WDHD1: variants seen among roughly 807,000 people sequenced by gnomAD.
The protein encoded by WDHD1 is WD repeat and HMG-box DNA binding protein 1, also known as WD repeat and HMG-box DNA-binding protein 1.
WDHD1 carries 111 observed loss-of-function variants against 135.4 expected under a neutral mutation model. The observed-to-expected ratio is 0.82, with a 90% confidence interval of 0.70 to 0.96. The LOEUF (loss-of-function observed/expected upper bound fraction) is 0.96, where lower values mean the gene tolerates loss of function less well. Ranked by LOEUF, WDHD1 falls within the 40% of genes least tolerant of loss-of-function variation. WDHD1 has a pLI of 0.00. For synonymous variants in WDHD1, 434 were observed against 439.0 expected, an observed-to-expected ratio of 0.99 and a Z score of 0.14; for missense variants, 1,351 against 1,336.3, an observed-to-expected ratio of 1.01 and a Z score of -0.17.
In WDHD1 at chr14:54,967,371, C is replaced by T. The variant is rs770271728; in HGVS notation, c.2087G>A (p.Arg696Gln). The change falls in exon 17 of 26, where the codon CGG becomes CAG. Residue 696 changes from arginine (R) to glutamine (Q), a missense_variant. Physicochemically the swap from Arg to Gln is conservative, Grantham distance 43. This residue lies in a region of WDHD1 where 1,330 missense variants were observed against 1,296.1 expected (regional missense o/e 1.03). Coordinates refer to ENST00000360586, the MANE Select transcript of WDHD1 (RefSeq NM_007086.4). ...AGGGCGTGGAAGGGTTGGGGGAAAC[C>T]GAGAACCTTTACAAGGAATGCACCT... is the stretch of plus-strand genomic sequence containing the variant. ...QLRCIPCKGS[R>Q]FPPTLPRPAV... The T allele has an allele frequency of 5.7e-5, 92 of 1,610,034 alleles. No homozygotes were observed. The highest frequency in any genetic ancestry group is 8.4e-5 in the Admixed American group (5 of 59,534).
Position 54,991,409 on chromosome 14 carries a change from C to T in WDHD1, c.1154-9G>A, listed in dbSNP as rs748186277. 5 of 1,610,712 alleles carry T rather than the reference C, an allele frequency of 3.1e-6. No individual in the cohort carries two copies. Among genetic ancestry groups the T allele is most frequent in the Non-Finnish European group, 4.2e-6 (5 of 1,177,760 alleles). On this transcript the variant is annotated splice_polypyrimidine_tract_variant and intron_variant, in intron 11 of 25. Transcript: ENST00000360586. ...TTTTAGCATTGAAATATCTACAACA[C>T]AAAGGATCATAATTAAGGGAATCAC... is the stretch of plus-strand genomic sequence containing the variant.
In WDHD1 at chr14:54,941,617, TCAAC is replaced by T; in HGVS notation, c.3259_3262del (p.Val1087MetfsTer17). 1 of 1,614,064 alleles carries T rather than the reference TCAAC, an allele frequency of 6.2e-7. No individual in the cohort carries two copies. The highest frequency in any genetic ancestry group is 8.5e-7 in the Non-Finnish European group (1 of 1,179,952). On this transcript the variant is annotated frameshift_variant, in exon 26 of 26. Transcript: ENST00000360586. LOFTEE classifies it high-confidence loss of function. ...CTGGTTTTCTGTTTCATCACTTTCATCAACCACACGTTTTCGCTTCTTTGCTTCA... is the reference window on the plus strand; with the variant it reads ...CTGGTTTTCTGTTTCATCACTTTCATCACACGTTTTCGCTTCTTTGCTTCA...
At chr14:55,004,126 T>C (rs1340692287) in intron 7 of WDHD1, among the ~76,000 whole-genome samples, 1 of 152,220 alleles carries the variant, frequency 6.6e-6, no homozygotes, top group Non-Finnish European at 1.5e-5. Context: ...AATAATAATA[T>C]AGTAAATACC....
chr14:54,972,148 G>A (rs549467016), intron 16 of WDHD1, among the ~76,000 whole-genome samples: 19 of 152,056 alleles, frequency 1.2e-4, no homozygotes, highest in Non-Finnish European at 1.9e-4. Context: ...GGTGATGGGC[G>A]CCTGTAGTCC....
At position 55,007,280 on chromosome 14, in the gene WDHD1, C is replaced by A; in HGVS notation, c.600G>T (p.Lys200Asn). The A allele has an allele frequency of 6.4e-7, 1 of 1,573,088 alleles. No individual in the cohort carries two copies. Among genetic ancestry groups the A allele is most frequent in the Non-Finnish European group, 8.6e-7 (1 of 1,163,588 alleles). The change falls in exon 7 of 26, where the codon AAG (lysine) becomes AAT (asparagine). Residue 200 changes from lysine to asparagine, a missense_variant and splice_region_variant. By Grantham distance (94) the Lys-to-Asn change is moderately conservative. Around this residue, in one of 2 missense-constraint regions of WDHD1, gnomAD observed 1,330 missense variants for 1,296.1 expected, o/e 1.03. Transcript: ENST00000360586. ...CRLAWQPKSG[K>N]LLAIPVEKSV... ...GAAAAGAAAAATAAGAATCACTTAC[C>A]TTCCCACTTTTTGGCTGCCAAGCAA...
intron 21 of WDHD1, among the ~76,000 whole-genome samples, chr14:54,962,096 A>G (rs2041261734): frequency 6.6e-6 from 1 of 152,068 alleles, no homozygotes. Context: ...CGGCCTCCCA[A>G]AGTGCTGGGA....
At chr14:54,957,337 A>G (rs1177862791) in intron 22 of WDHD1, 133 bp from the exon 23 acceptor site, 3 of 1,002,378 alleles carry the variant, frequency 3.0e-6, no homozygotes, top group Admixed American at 2.9e-5. Context: ...CATTTGGTAC[A>G]ATCCAAATTA....
At chr14:54,972,588 A>AAAAAAAAAAAAAAC (rs2041457826) in intron 16 of WDHD1, among the ~76,000 whole-genome samples, 1 of 78,862 alleles carries the variant, frequency 1.3e-5, no homozygotes, top group Non-Finnish European at 2.3e-5. Flanking sequence ...AAAAAAAAAA[A>AAAAAAAAAAAAAAC]AATGCCAATG....
chr14:54,963,691 T>C (rs545152398), intron 18 of WDHD1, among the ~76,000 whole-genome samples: 1 of 150,316 alleles, frequency 6.7e-6, no homozygotes, highest in South Asian at 2.1e-4. Flanking sequence ...TCCCAGCTAC[T>C]CGGGAAGCTG....
In WDHD1 at chr14:54,987,401, C is replaced by CAATT. The variant is rs147777028; in HGVS notation, c.1527-15_1527-14insAATT. ...CAGTGAAGCTTGCTAAAAATTAAAA[C>CAATT]AAGACAGAAACAATCAAACTTTCAT... On this transcript the variant is annotated splice_polypyrimidine_tract_variant and intron_variant, in intron 13 of 25. Transcript: ENST00000360586. 276,123 of 1,602,218 alleles carry CAATT rather than the reference C, an allele frequency of 0.17. 25,107 individuals carry two copies. Among genetic ancestry groups the CAATT allele is most frequent in the Admixed American group, 0.21 (12,416 of 59,454 alleles).
At chr14:54,966,961 C>A (rs1227588726) in intron 17 of WDHD1, among the ~76,000 whole-genome samples, 1 of 152,202 alleles carries the variant, frequency 6.6e-6, no homozygotes, top group Non-Finnish European at 1.5e-5. Context: ...GGACTAGGGT[C>A]AGGCAAGCCA....
Position 55,013,533 on chromosome 14 carries a change from A to C in WDHD1, c.141T>G (p.Asp47Glu). Reference sequence around the variant, plus strand: ...TTTCTCCAACATTAATGAACTTAGGATCATCATCATCCAAGTCTTCCCAAA... The same window carrying C: ...TTTCTCCAACATTAATGAACTTAGGCTCATCATCATCCAAGTCTTCCCAAA... ...VRIWEDLDDD[D>E]PKFINVGEKA... Residue 47 changes from aspartate (D) to glutamate (E), a missense_variant, in exon 3 of 26, where the codon GAT becomes GAG. Transcript: ENST00000360586. 1 of 1,614,044 alleles carries C rather than the reference A, an allele frequency of 6.2e-7. No homozygotes were observed. The highest frequency in any genetic ancestry group is 8.5e-7 in the Non-Finnish European group (1 of 1,179,966).
chr14:54,939,705 C>T lies in WDHD1; in HGVS notation c.*1785G>A, dbSNP rs920643671. 6.6e-6 allele frequency: 1 copy of T among 151,904 alleles called. No homozygotes were observed. The highest frequency in any genetic ancestry group is 2.4e-5 in the African/African-American group (1 of 41,370). The allele number at this position is 151,904 out of a possible 1,614,324, so 9.4% of individuals were successfully genotyped here. ...AAGTTAAACCAAGTCAATACAAAAA[C>T]CTTCCTTCAGCCAAAAAAAAGTAGG... On this transcript the variant is annotated 3_prime_UTR_variant, in exon 26 of 26. Transcript: ENST00000360586.
At chr14:54,978,566 A>AT (rs2041564387) in intron 16 of WDHD1, among the ~76,000 whole-genome samples, 1 of 151,892 alleles carries the variant, frequency 6.6e-6, no homozygotes. Context: ...GCATGGGCAA[A>AT]TGAGTGATAC....
chr14:55,009,327 C>T (rs2042125842), intron 4 of WDHD1, among the ~76,000 whole-genome samples: 1 of 152,162 alleles, frequency 6.6e-6, no homozygotes, highest in Non-Finnish European at 1.5e-5. Flanking sequence ...ATACCTTTCA[C>T]TTCACCTCAG....
At chr14:54,944,719 A>T in intron 24 of WDHD1, 1 of 224,598 alleles carries the variant, frequency 4.5e-6, no homozygotes, top group Non-Finnish European at 8.5e-6. Flanking sequence ...TCCTGGGTTC[A>T]AGCGATTCTC....
chr14:54,941,971 C>A (rs1480018571), intron 25 of WDHD1, among the ~76,000 whole-genome samples: 1 of 152,062 alleles, frequency 6.6e-6, no homozygotes, highest in Non-Finnish European at 1.5e-5. Context: ...AAACTTTTGG[C>A]CAGGCACGGT....
At chr14:55,019,769 TGAG>T (rs1015592953) in intron 2 of WDHD1, among the ~76,000 whole-genome samples, 3 of 152,132 alleles carry the variant, frequency 2.0e-5, no homozygotes, top group Non-Finnish European at 4.4e-5. Flanking sequence ...CTTGGGAGGC[TGAG>T]GAGAGAGAAT....
At position 55,026,796 on chromosome 14, in the gene WDHD1, T is replaced by C; in HGVS notation, c.-9A>G. On this transcript the variant is annotated 5_prime_UTR_variant, in exon 2 of 26. Transcript: ENST00000360586. ...TTCCGTGTGGCAGGCATGTTTTCCT[T>C]TACCTATCTGAAAATGTTTTATAAA... 2 of 1,614,138 alleles carry C rather than the reference T, an allele frequency of 1.2e-6. No homozygotes were observed. The highest frequency in any genetic ancestry group is 1.7e-5 in the Admixed American group (1 of 60,030).
Sources: allele counts gnomAD v4.1 joint callset (sites outside exome capture counted in the v4.1 genomes callset), GRCh38; gene constraint gnomAD v4.1.1; regional missense constraint gnomAD v4.1.1; transcripts MANE v1.5; gene names NCBI Gene and HGNC (gene_info 2026-07-23, HGNC 2026-07-21).